Variants in ICOS observed in about 807,000 individuals in gnomAD.
ICOS encodes the protein inducible T-cell costimulator.
Under a neutral mutation model 24.6 loss-of-function variants are expected in ICOS, and 15 were observed. That is an observed-to-expected ratio of 0.61 (90% CI 0.41 to 0.94). The LOEUF is 0.94. ICOS is among the 40% of genes least tolerant of loss of function. The probability of loss-of-function intolerance (pLI) is 0.00; values close to 1 mark genes in which losing one functional copy is unlikely to be tolerated. For synonymous variants in ICOS, 89 were observed against 77.5 expected, an observed-to-expected ratio of 1.15 and a Z score of -0.78; for missense variants, 200 against 233.0, an observed-to-expected ratio of 0.86 and a Z score of 0.92.
chr2:203,939,692 GTGACTCC>G (rs1421390733), intron 1 of ICOS, among the ~76,000 whole-genome samples: 1 of 152,124 alleles, frequency 6.6e-6, no homozygotes, highest in African/African-American at 2.4e-5. Context: ...CATTCCATTA[GTGACTCC>G]TGAATTCCAC....
intron 1 of ICOS, among the ~76,000 whole-genome samples, chr2:203,950,470 C>T (rs1458756191): frequency 6.6e-6 from 1 of 152,222 alleles, no homozygotes; most frequent in Non-Finnish European, 1.5e-5. Flanking sequence ...GGCCCCACCT[C>T]CCAATTCTAT....
In ICOS at chr2:203,956,670, T is replaced by C. The variant is rs746054383; in HGVS notation, c.406T>C (p.Cys136Arg). The C allele has an allele frequency of 6.2e-7, 1 of 1,612,892 alleles. No individual in the cohort carries two copies. The highest frequency in any genetic ancestry group is 8.5e-7 in the Non-Finnish European group (1 of 1,178,934). The part of the protein sequence containing the change: ...GYLHIYESQL[C>R]CQLKFWLPIG... ...TTTTTCCAATCCAGAATCACAACTT[T>C]GTTGCCAGCTGAAGTTCTGGTTACC... is the stretch of plus-strand genomic sequence containing the variant. The change falls in exon 3 of 5, where the codon TGT (cysteine) becomes CGT (arginine). Residue 136 changes from cysteine (C) to arginine (R), a missense_variant. By Grantham distance (180) the Cys-to-Arg change is radical (BLOSUM62 -3). Transcript: ENST00000316386.
intron 1 of ICOS, among the ~76,000 whole-genome samples, chr2:203,945,198 T>A (rs1311130112): frequency 1.3e-5 from 2 of 152,090 alleles, no homozygotes; most frequent in Non-Finnish European, 2.9e-5. Context: ...AGATCAGTAT[T>A]GAGAAGGCCA....
chr2:203,957,154 G>T (rs892734321), intron 3 of ICOS, among the ~76,000 whole-genome samples: 2 of 152,136 alleles, frequency 1.3e-5, no homozygotes, highest in Non-Finnish European at 2.9e-5. Flanking sequence ...TTCCTGAGAG[G>T]CAGGGCAGAG....
chr2:203,955,627 T>C lies in ICOS; in HGVS notation c.59-9T>C. The C allele has an allele frequency of 6.2e-7, 1 of 1,603,706 alleles. No homozygotes were observed. Among genetic ancestry groups the C allele is most frequent in the South Asian group, 1.1e-5 (1 of 90,820 alleles). Reference sequence around the variant, plus strand: ...TCACTTTTGCTTTGTTTTCTTTCTTTTTATGCAGGAGAAATCAATGGTTCT... The same window carrying C: ...TCACTTTTGCTTTGTTTTCTTTCTTCTTATGCAGGAGAAATCAATGGTTCT... On this transcript the variant is annotated splice_polypyrimidine_tract_variant and intron_variant, in intron 1 of 4. Transcript: ENST00000316386.
chr2:203,946,911 T>C (rs1386153265), intron 1 of ICOS, among the ~76,000 whole-genome samples: 1 of 152,220 alleles, frequency 6.6e-6, no homozygotes, highest in Non-Finnish European at 1.5e-5. Context: ...AAGTCTGAGT[T>C]AAAGAAAATA....
intron 1 of ICOS, among the ~76,000 whole-genome samples, chr2:203,953,547 TAAGAA>T (rs1690021463): frequency 6.6e-6 from 1 of 152,172 alleles, no homozygotes; most frequent in South Asian, 2.1e-4. Context: ...CCAGGGTCAT[TAAGAA>T]AATAAGTAAT....
rs76378565 is a variant in ICOS at position 203,938,666 on chromosome 2, T to C, written c.58+1794T>C. 8.2e-3 allele frequency among the ~76,000 whole-genome samples: 1,244 copies of C among 152,366 alleles called. 21 individuals carry two copies. The highest frequency in any genetic ancestry group is 0.027 in the African/African-American group (1,123 of 41,590). ...TTGGGCAGTTCTGGTTGTGGTATTA[T>C]GCTCAGGAGAATTAAAGTAGCATCG... On this transcript the variant is annotated intron_variant, in intron 1 of 4. Transcript: ENST00000316386.
chr2:203,941,536 G>A (rs1689775682), intron 1 of ICOS, among the ~76,000 whole-genome samples: 1 of 152,060 alleles, frequency 6.6e-6, no homozygotes, highest in African/African-American at 2.4e-5. Flanking sequence ...AACATATACT[G>A]CTTCCCTACT....
At chr2:203,944,092 T>G (rs1014913929) in intron 1 of ICOS, among the ~76,000 whole-genome samples, 3 of 152,186 alleles carry the variant, frequency 2.0e-5, no homozygotes, top group Non-Finnish European at 2.9e-5. Context: ...AGAAAAGGGC[T>G]TTAGTTTTTC....
intron 1 of ICOS, among the ~76,000 whole-genome samples, chr2:203,937,779 A>G (rs1689684480): frequency 6.6e-6 from 1 of 150,510 alleles, no homozygotes. Flanking sequence ...ACAAAAAATG[A>G]AAAAAAAATG....
At chr2:203,956,554 A>G (rs1690080805) in intron 2 of ICOS, 105 bp from the exon 3 acceptor site, 5 of 813,172 alleles carry the variant, frequency 6.1e-6, no homozygotes, top group Admixed American at 1.8e-5. Context: ...TTTCATGACT[A>G]TAATAAAGAA....
chr2:203,957,983 T>C (rs777163364), intron 4 of ICOS, 100 bp downstream of exon 4: 2 of 708,238 alleles, frequency 2.8e-6, no homozygotes, highest in Non-Finnish European at 5.0e-6. Context: ...AAGGAAAACA[T>C]CTCCAAGGCC....
intron 1 of ICOS, among the ~76,000 whole-genome samples, chr2:203,955,168 AT>A (rs1690056022): frequency 6.6e-6 from 1 of 151,962 alleles, no homozygotes; most frequent in Non-Finnish European, 1.5e-5. Flanking sequence ...TTTAATTCCA[AT>A]TTTAAAACTC....
chr2:203,942,639 G>A (rs1403301442), intron 1 of ICOS, among the ~76,000 whole-genome samples: 1 of 152,156 alleles, frequency 6.6e-6, no homozygotes, highest in African/African-American at 2.4e-5. Context: ...TAAGTATTAA[G>A]GTGATAATAT....
rs187312468 is a variant in ICOS at position 203,951,821 on chromosome 2, C to T, written c.59-3815C>T. 3.6e-4 allele frequency among the ~76,000 whole-genome samples: 55 copies of T among 152,250 alleles called. No homozygotes were observed. The Middle Eastern group carries it at 0.01, about 28-fold the overall frequency. ...TTCTGCAGCAGACGGTAGAGACATA[C>T]GCATCAAAGCAACAGTGGGGCAACA... is the stretch of plus-strand genomic sequence containing the variant. On this transcript the variant is annotated intron_variant, in intron 1 of 4. Transcript: ENST00000316386.
Position 203,941,180 on chromosome 2 carries a change from AT to A in ICOS, c.58+4315del, listed in dbSNP as rs144141876. Among the ~76,000 whole-genome samples, 429 of 152,012 alleles carry A rather than the reference AT, an allele frequency of 2.8e-3. 12 individuals carry two copies. In the East Asian group the frequency reaches 0.078, roughly 28 times the overall value. On this transcript the variant is annotated intron_variant, in intron 1 of 4. Coordinates refer to ENST00000316386, the MANE Select transcript of ICOS (RefSeq NM_012092.4). Reference sequence around the variant, plus strand: ...TCAAGCTTTATTCTTCATTTCAGTCATTTTTTTCCTAGTATTTGTTTAATCA... The same window carrying A: ...TCAAGCTTTATTCTTCATTTCAGTCATTTTTTCCTAGTATTTGTTTAATCA...
chr2:203,942,907 G>T (rs887158167), intron 1 of ICOS, among the ~76,000 whole-genome samples: 1 of 152,266 alleles, frequency 6.6e-6, no homozygotes, highest in African/African-American at 2.4e-5. Context: ...TTGTCTTCAA[G>T]CTCTGAATTT....
intron 1 of ICOS, among the ~76,000 whole-genome samples, chr2:203,951,848 A>G (rs1689980308): frequency 6.6e-6 from 1 of 152,172 alleles, no homozygotes; most frequent in Non-Finnish European, 1.5e-5. Flanking sequence ...GGGGCAACAT[A>G]TTTTACTGTC....
Sources: gnomAD v4.1 joint callset for allele counts (sites outside exome capture counted in the v4.1 genomes callset) on GRCh38, gnomAD v4.1.1 for gene constraint, MANE v1.5 for transcripts, NCBI Gene and HGNC (gene_info 2026-07-23, HGNC 2026-07-21) for gene names.